The following ATP10B variants were observed in gnomAD, a reference collection of about 807,000 sequenced individuals.
ATP10B encodes phospholipid-transporting ATPase VB.
ATP10B carries 122 observed loss-of-function variants against 141.2 expected under a neutral mutation model. The observed-to-expected ratio is 0.86, with a 90% confidence interval of 0.75 to 1.00. The LOEUF (loss-of-function observed/expected upper bound fraction) is 1.00. ATP10B is among the 50% of genes least tolerant of loss of function. The pLI, the probability that ATP10B is intolerant of heterozygous loss-of-function variation, is 0.00. For synonymous variants in ATP10B, 685 were observed against 692.0 expected, an observed-to-expected ratio of 0.99 and a Z score of 0.16; for missense variants, 1,876 against 1,825.3, an observed-to-expected ratio of 1.03 and a Z score of -0.51.
chr5:160,831,485 A>C (rs1304874072), intron 1 of ATP10B, among the ~76,000 whole-genome samples: 1 of 152,120 alleles, frequency 6.6e-6, no homozygotes, highest in African/African-American at 2.4e-5. Flanking sequence ...ATACAGATGA[A>C]AATCTTGAAA....
At chr5:160,747,104 C>G (rs1186748498) in intron 2 of ATP10B, among the ~76,000 whole-genome samples, 1 of 152,228 alleles carries the variant, frequency 6.6e-6, no homozygotes, top group Non-Finnish European at 1.5e-5. Context: ...CTCAGTCCTA[C>G]AAGGTGACAA....
chr5:160,569,933 T>G (rs961394233), intron 24 of ATP10B, among the ~76,000 whole-genome samples: 2 of 152,216 alleles, frequency 1.3e-5, no homozygotes, highest in Non-Finnish European at 2.9e-5. Context: ...TTCTATGCTA[T>G]CCTTTGTAGG....
At chr5:160,791,807 T>A (rs1451351904) in intron 1 of ATP10B, among the ~76,000 whole-genome samples, 1 of 152,122 alleles carries the variant, frequency 6.6e-6, no homozygotes, top group Non-Finnish European at 1.5e-5. Context: ...CAACTAAAAG[T>A]TAGGATTCTT....
chr5:160,789,787 A>G (rs902071881), intron 1 of ATP10B, among the ~76,000 whole-genome samples: 1 of 152,192 alleles, frequency 6.6e-6, no homozygotes, highest in African/African-American at 2.4e-5. Context: ...GTCTCATTCT[A>G]AAGCACAAGG....
At chr5:160,676,370 C>A (rs1763030260) in intron 6 of ATP10B, among the ~76,000 whole-genome samples, 1 of 152,180 alleles carries the variant, frequency 6.6e-6, no homozygotes, top group African/African-American at 2.4e-5. Context: ...CTCCCAAATG[C>A]TCATCCTTTA....
intron 1 of ATP10B, among the ~76,000 whole-genome samples, chr5:160,820,688 T>G (rs1310859231): frequency 6.6e-6 from 1 of 151,996 alleles, no homozygotes; most frequent in African/African-American, 2.4e-5. Flanking sequence ...AAAAGATCAT[T>G]CATCATGACC....
chr5:160,785,462 C>A, intron 2 of ATP10B, 97 bp downstream of exon 2: 4 of 326,624 alleles, frequency 1.2e-5, no homozygotes, highest in South Asian at 1.0e-4. Flanking sequence ...AATTTAGACT[C>A]AGAGGGTACA....
chr5:160,746,544 A>G (rs548854373), intron 2 of ATP10B, among the ~76,000 whole-genome samples: 39 of 152,138 alleles, frequency 2.6e-4, no homozygotes, highest in African/African-American at 8.9e-4. Context: ...GGCACCTGCC[A>G]CCACGCCCAG....
chr5:160,623,244 G>A (rs1395960830), intron 13 of ATP10B, among the ~76,000 whole-genome samples: 18 of 152,130 alleles, frequency 1.2e-4, no homozygotes, highest in Non-Finnish European at 2.2e-4. Context: ...CCGCTTGTCC[G>A]TGAGATCCTA....
chr5:160,804,990 A>G (rs1581565320), intron 1 of ATP10B, among the ~76,000 whole-genome samples: 1 of 152,130 alleles, frequency 6.6e-6, no homozygotes, highest in South Asian at 2.1e-4. Context: ...GTTCCCTCAA[A>G]TATTGTATTT....
chr5:160,734,673 G>A (rs1390028400), intron 2 of ATP10B, among the ~76,000 whole-genome samples: 2 of 151,750 alleles, frequency 1.3e-5, no homozygotes, highest in East Asian at 1.9e-4. Context: ...TAGGAAAAGA[G>A]GAACAACAAC....
chr5:160,872,852 G>C, the ATP10B span, among the ~76,000 whole-genome samples: 2 of 152,074 alleles, frequency 1.3e-5, no homozygotes, highest in African/African-American at 2.4e-5. Flanking sequence ...CTTTGACTAT[G>C]CGGTCTTTTG....
At chr5:160,682,194 T>A (rs1171930760) in intron 6 of ATP10B, among the ~76,000 whole-genome samples, 1 of 152,238 alleles carries the variant, frequency 6.6e-6, no homozygotes, top group Non-Finnish European at 1.5e-5. Context: ...AAAGCAACAC[T>A]GAGTTAATCA....
chr5:160,602,038 G>A (rs1188300381), intron 21 of ATP10B, among the ~76,000 whole-genome samples: 1 of 152,118 alleles, frequency 6.6e-6, no homozygotes, highest in Non-Finnish European at 1.5e-5. Context: ...GTTCAGACTA[G>A]CTCTTCAAAT....
At chr5:160,768,337 A>G (rs1769636386) in intron 2 of ATP10B, among the ~76,000 whole-genome samples, 1 of 152,206 alleles carries the variant, frequency 6.6e-6, no homozygotes, top group Admixed American at 6.5e-5. Flanking sequence ...ATGTACCTAA[A>G]TTCATATGGC....
intron 12 of ATP10B, 152 bp downstream of exon 12, chr5:160,634,202 C>G: frequency 2.9e-6 from 3 of 1,048,082 alleles, no homozygotes; most frequent in Non-Finnish European, 3.0e-6. Flanking sequence ...TGATCTGTGA[C>G]AAGGAAGACC....
intron 1 of ATP10B, among the ~76,000 whole-genome samples, chr5:160,826,373 C>A (rs1344658961): frequency 2.6e-5 from 4 of 152,168 alleles, no homozygotes; most frequent in African/African-American, 9.7e-5. Context: ...GTGAAGATTT[C>A]ATGGACATTT....
chr5:160,653,893 ATG>A (rs1561706976), intron 7 of ATP10B, among the ~76,000 whole-genome samples: 1 of 94,892 alleles, frequency 1.1e-5, no homozygotes, highest in Non-Finnish European at 1.9e-5. Flanking sequence ...ATATAAATAT[ATG>A]TAGTATATAC....
the ATP10B span, among the ~76,000 whole-genome samples, chr5:160,909,973 G>A: frequency 2.0e-5 from 3 of 152,124 alleles, no homozygotes; most frequent in Non-Finnish European, 2.9e-5. Flanking sequence ...CTTGAAGAAG[G>A]CACTTCACCT....
Sources: gnomAD v4.1 joint callset for allele counts (sites outside exome capture counted in the v4.1 genomes callset) on GRCh38, gnomAD v4.1.1 for gene constraint, MANE v1.5 for transcripts, NCBI Gene and HGNC (gene_info 2026-07-23, HGNC 2026-07-21) for gene names.